The following RFTN1 variants were observed in gnomAD, a reference collection of about 807,000 sequenced individuals.
RFTN1 encodes the protein raftlin, lipid raft linker 1, also known as raftlin.
Under a neutral mutation model 46.5 loss-of-function variants are expected in RFTN1, and 26 were observed. The ratio of observed to expected loss-of-function variants is 0.56; its 90% CI spans 0.41 to 0.78. The LOEUF (loss-of-function observed/expected upper bound fraction) is 0.78, where lower values mean the gene tolerates loss of function less well. Among genes scored for constraint, RFTN1 ranks in the 30% least tolerant of loss-of-function variants. The pLI is 0.00. For synonymous variants in RFTN1, 261 were observed against 284.2 expected (o/e 0.92, Z 0.82); for missense variants, 693 against 718.7 (o/e 0.96, Z 0.41).
At chr3:16,441,472 A>G (rs1400125147) in intron 2 of RFTN1, among the ~76,000 whole-genome samples, 1 of 152,180 alleles carries the variant, frequency 6.6e-6, no homozygotes, top group Non-Finnish European at 1.5e-5. Context: ...CTGGAAACGA[A>G]GCCCTTCAGA....
rs2075212926 is a variant in RFTN1 at position 16,422,802 on chromosome 3, T to A, written c.332+11049A>T. On this transcript the variant is annotated intron_variant, in intron 3 of 9. Coordinates refer to ENST00000334133, the MANE Select transcript of RFTN1 (RefSeq NM_015150.2). The surrounding 1 kb of genome is among the most constrained non-coding windows in gnomAD (Gnocchi z 4.6). Reference sequence around the variant, plus strand: ...ATCCTAACTATAATAAAGGTGGCATTTATTCAATGGCAAAGTTAGGTTAAC... The same window carrying A: ...ATCCTAACTATAATAAAGGTGGCATATATTCAATGGCAAAGTTAGGTTAAC... 6.6e-6 allele frequency among the ~76,000 whole-genome samples: 1 copy of A among 152,154 alleles called. No individual in the cohort carries two copies. Among genetic ancestry groups the A allele is most frequent in the Non-Finnish European group, 1.5e-5 (1 of 68,026 alleles).
At chr3:16,362,450 T>A (rs934125775) in intron 6 of RFTN1, among the ~76,000 whole-genome samples, 3 of 152,186 alleles carry the variant, frequency 2.0e-5, no homozygotes, top group African/African-American at 7.2e-5. Flanking sequence ...AAGGTGAGTA[T>A]GGACCATAGT....
chr3:16,510,423 T>C (rs1474284166), intron 1 of RFTN1, among the ~76,000 whole-genome samples: 2 of 152,260 alleles, frequency 1.3e-5, no homozygotes, highest in African/African-American at 4.8e-5. Flanking sequence ...CATTCCCCTA[T>C]GGAATTCCCT....
rs1173276330 is a variant in RFTN1, at chr3:16,384,249, C to T, written c.442-6147G>A. ...GCCCTGCAGATGTCAGACTTGTTGG[C>T]CCCCACTATCACATGAGCCAGTTCC... On this transcript the variant is annotated intron_variant, in intron 4 of 9. Transcript: ENST00000334133. The surrounding 1 kb of genome is among the most constrained non-coding windows in gnomAD (Gnocchi z 4.7). Among the ~76,000 whole-genome samples, 1 of 152,184 alleles carries T rather than the reference C, an allele frequency of 6.6e-6. No homozygotes were observed. The highest frequency in any genetic ancestry group is 1.9e-4 in the East Asian group (1 of 5,196).
At position 16,468,307 on chromosome 3, in the gene RFTN1, G is replaced by A. The variant is rs895538110; in HGVS notation, c.145+25418C>T. On this transcript the variant is annotated intron_variant, in intron 2 of 9. Coordinates refer to ENST00000334133, the MANE Select transcript of RFTN1 (RefSeq NM_015150.2). The surrounding 1 kb of genome is among the most constrained non-coding windows in gnomAD (Gnocchi z 4.4). ...AGTTCCCAAACCCTCACTGTCGTTCGTTTTTGAAGTACCTGCATTCTGTCT... is the reference window on the plus strand; with the variant it reads ...AGTTCCCAAACCCTCACTGTCGTTCATTTTTGAAGTACCTGCATTCTGTCT... Among the ~76,000 whole-genome samples, 3 of 152,068 alleles carry A rather than the reference G, an allele frequency of 2.0e-5. No individual in the cohort carries two copies. The highest frequency in any genetic ancestry group is 1.3e-4 in the Admixed American group (2 of 15,260).
chr3:16,450,049 GA>G lies in RFTN1; in HGVS notation c.146-16013del, dbSNP rs1457125408. On this transcript the variant is annotated intron_variant, in intron 2 of 9. Transcript: ENST00000334133. This position sits in a 1 kb window ranked among gnomAD's most constrained non-coding sequence, Gnocchi z 4.6. ...CATAGCACACAAAGCAAAGGCAGAAGACATGTCACCCCCATCCTGACCACTC... is the reference window on the plus strand; with the variant it reads ...CATAGCACACAAAGCAAAGGCAGAAGCATGTCACCCCCATCCTGACCACTC... Among the ~76,000 whole-genome samples, 3 of 152,160 alleles carry G rather than the reference GA, an allele frequency of 2.0e-5. No homozygotes were observed. The highest frequency in any genetic ancestry group is 7.2e-5 in the African/African-American group (3 of 41,434).
Position 16,468,253 on chromosome 3 carries a change from TC to T in RFTN1, c.145+25471del, listed in dbSNP as rs2076134938. Among the ~76,000 whole-genome samples the T allele has an allele frequency of 6.6e-6, 1 of 152,238 alleles. No homozygotes were observed. Among genetic ancestry groups the T allele is most frequent in the South Asian group, 2.1e-4 (1 of 4,832 alleles). ...TCCCTTTCAGCTGACAGGCTTCTTA[TC>T]TTTTTCATTTGGAAACTTATCTGTA... On this transcript the variant is annotated intron_variant, in intron 2 of 9. Coordinates refer to ENST00000334133, the MANE Select transcript of RFTN1 (RefSeq NM_015150.2). The surrounding 1 kb of genome is among the most constrained non-coding windows in gnomAD (Gnocchi z 4.4).
At chr3:16,476,466 A>G (rs375507632) in intron 2 of RFTN1, among the ~76,000 whole-genome samples, 1 of 152,214 alleles carries the variant, frequency 6.6e-6, no homozygotes, top group Non-Finnish European at 1.5e-5. Context: ...GATGATCGTA[A>G]GTTCCACAAA....
chr3:16,370,209 G>C lies in RFTN1; in HGVS notation c.897C>G (p.Thr299=), dbSNP rs750036502. 5 of 1,614,100 alleles carry C rather than the reference G, an allele frequency of 3.1e-6. No homozygotes were observed. The highest frequency in any genetic ancestry group is 3.4e-6 in the Non-Finnish European group (4 of 1,180,046). The part of the protein sequence containing the change: ...HQKCRQYYPV[T]IPLHVSKNGQ... ...CATTCTTGGAGACATGGAGAGGAAT[G>C]GTGACAGGGTAGTATTGCCGGCACT... is the stretch of plus-strand genomic sequence containing the variant. Residue 299 remains threonine (T), a synonymous_variant, in exon 6 of 10, where the codon ACC becomes ACG. Transcript: ENST00000334133. This position sits in a 1 kb window ranked among gnomAD's most constrained non-coding sequence, Gnocchi z 5.5.
Position 16,440,571 on chromosome 3 carries a change from T to C in RFTN1, c.146-6534A>G, listed in dbSNP as rs1194305095. Among the ~76,000 whole-genome samples, 1 of 151,952 alleles carries C rather than the reference T, an allele frequency of 6.6e-6. No individual in the cohort carries two copies. Among genetic ancestry groups the C allele is most frequent in the Non-Finnish European group, 1.5e-5 (1 of 68,008 alleles). On this transcript the variant is annotated intron_variant, in intron 2 of 9. Coordinates refer to ENST00000334133, the MANE Select transcript of RFTN1 (RefSeq NM_015150.2). This position sits in a 1 kb window ranked among gnomAD's most constrained non-coding sequence, Gnocchi z 4.6. ...GGGCTTGGTGCAGATCCCAAAGCCA[T>C]TAACAGAGGTATCTGCAGGCCAGGA...
In RFTN1 at chr3:16,351,610, G is replaced by A. The variant is rs866071012; in HGVS notation, c.1146+6322C>T. On this transcript the variant is annotated intron_variant, in intron 7 of 9. Transcript: ENST00000334133. This position sits in a 1 kb window ranked among gnomAD's most constrained non-coding sequence, Gnocchi z 5.4. Reference sequence around the variant, plus strand: ...CCACCCTGACAGAAGTCAAGTCCTCGCAGGTAGCAGCTGCTTTCTAGGATG... The same window carrying A: ...CCACCCTGACAGAAGTCAAGTCCTCACAGGTAGCAGCTGCTTTCTAGGATG... 8.5e-5 allele frequency among the ~76,000 whole-genome samples: 13 copies of A among 152,138 alleles called. No homozygotes were observed. Among genetic ancestry groups the A allele is most frequent in the South Asian group, 2.1e-4 (1 of 4,820 alleles).
At chr3:16,377,145 G>C (rs2073805908) in intron 5 of RFTN1, among the ~76,000 whole-genome samples, 2 of 152,052 alleles carry the variant, frequency 1.3e-5, no homozygotes, top group African/African-American at 4.8e-5. Context: ...TTTGCTCCCT[G>C]TAAATCTTAT....
chr3:16,319,293 A>G (rs59419439), intron 9 of RFTN1, among the ~76,000 whole-genome samples: 24,249 of 152,214 alleles, frequency 0.16, 2,018 homozygotes, highest in African/African-American at 0.21. Flanking sequence ...ACTGTTGCCA[A>G]AAAAGTGGTG....
chr3:16,333,199 C>T (rs2070499204), intron 7 of RFTN1, among the ~76,000 whole-genome samples: 1 of 152,124 alleles, frequency 6.6e-6, no homozygotes, highest in African/African-American at 2.4e-5. Flanking sequence ...GCTAAATCAC[C>T]AACAAAAAGC....
chr3:16,371,976 A>T (rs2073526485), intron 5 of RFTN1, among the ~76,000 whole-genome samples: 1 of 152,216 alleles, frequency 6.6e-6, no homozygotes, highest in African/African-American at 2.4e-5. Context: ...GGTGGGCAGG[A>T]GGTGAACTAG....
chr3:16,432,881 T>TAAAGG (rs905963069), intron 3 of RFTN1, among the ~76,000 whole-genome samples: 6 of 151,972 alleles, frequency 3.9e-5, no homozygotes, highest in Admixed American at 1.3e-4. Flanking sequence ...CATGAAGAAA[T>TAAAGG]AAAGGAAAGG....
intron 5 of RFTN1, among the ~76,000 whole-genome samples, chr3:16,373,336 G>A (rs1276627208): frequency 6.6e-6 from 1 of 152,212 alleles, no homozygotes; most frequent in Non-Finnish European, 1.5e-5. Flanking sequence ...TGTTACACGT[G>A]TTCACCGTAT....
rs1399552259 is a variant in RFTN1 at position 16,336,837 on chromosome 3, T to TG, written c.1147-9962_1147-9961insC. 1.3e-5 allele frequency among the ~76,000 whole-genome samples: 2 copies of TG among 152,164 alleles called. No homozygotes were observed. The highest frequency in any genetic ancestry group is 4.8e-5 in the African/African-American group (2 of 41,444). On this transcript the variant is annotated intron_variant, in intron 7 of 9. Coordinates refer to ENST00000334133, the MANE Select transcript of RFTN1 (RefSeq NM_015150.2). The surrounding 1 kb of genome is among the most constrained non-coding windows in gnomAD (Gnocchi z 6.0). The stretch of plus-strand genomic sequence containing the variant: ...AGAAAGGCAGCAAACTCAGTAGCCT[T>TG]TTAGGAGCTCAACGAAATAAAAAAT...
Position 16,441,604 on chromosome 3 carries a change from T to C in RFTN1, c.146-7567A>G, listed in dbSNP as rs554692046. 6.6e-5 allele frequency among the ~76,000 whole-genome samples: 10 copies of C among 152,308 alleles called. 1 individual carries two copies. In the South Asian group the frequency reaches 2.1e-3, roughly 32 times the overall value. ...CAACTGCCCATTTCACTCAGCTCTG[T>C]AAAGCAGGAAACAGCAGGCTGAACT... On this transcript the variant is annotated intron_variant, in intron 2 of 9. Transcript: ENST00000334133.
Sources: gnomAD v4.1 joint callset for allele counts (sites outside exome capture counted in the v4.1 genomes callset) on GRCh38, gnomAD v4.1.1 for gene constraint, Gnocchi (gnomAD v3.1) non-coding constraint, MANE v1.5 for transcripts, NCBI Gene and HGNC (gene_info 2026-07-23, HGNC 2026-07-21) for gene names.